Variants in CACUL1 observed in about 807,000 individuals in gnomAD.
The protein encoded by CACUL1 is CDK2 associated cullin domain 1.
In CACUL1, 13 loss-of-function variants were observed where a neutral mutation model predicts 45.2. The observed-to-expected ratio is 0.29, with a 90% confidence interval of 0.19 to 0.46. CACUL1 has a LOEUF of 0.46. Ranked by LOEUF, CACUL1 falls within the 20% of genes least tolerant of loss-of-function variation. The pLI, the probability that CACUL1 is intolerant of heterozygous loss-of-function variation, is 1.00. For missense variants in CACUL1, 421 were observed against 471.4 expected, an observed-to-expected ratio of 0.89 and a Z score of 0.99; for synonymous variants, 197 against 174.2, an observed-to-expected ratio of 1.13 and a Z score of -1.03.
chr10:118,703,129 T>A (rs539532565), intron 4 of CACUL1, among the ~76,000 whole-genome samples: 6 of 152,054 alleles, frequency 3.9e-5, no homozygotes, highest in Non-Finnish European at 7.4e-5. Flanking sequence ...TTTAAAAAAA[T>A]ATATAAAAAT....
chr10:118,686,861 C>T, intron 7 of CACUL1: 1 of 516,414 alleles, frequency 1.9e-6, no homozygotes, highest in Non-Finnish European at 3.4e-6. Context: ...CATCCTCAAA[C>T]ACCTATGAAA....
rs370879100 is a variant in CACUL1, at chr10:118,682,502, T to C, written c.*3626A>G. ...ATTAACCAGGATTATTTAAATACTA[T>C]AATACAAGTGCTCCTGCTCACTTCT... is the stretch of plus-strand genomic sequence containing the variant. On this transcript the variant is annotated 3_prime_UTR_variant, in exon 9 of 9. Transcript: ENST00000369151. The C allele has an allele frequency of 1.0e-4, 16 of 152,798 alleles. No homozygotes were observed. The highest frequency in any genetic ancestry group is 3.6e-4 in the African/African-American group (15 of 41,598). 9.5% of individuals were successfully genotyped at this position (152,798 alleles called of 1,614,324 possible).
intron 1 of CACUL1, among the ~76,000 whole-genome samples, chr10:118,752,580 G>T (rs1265940743): frequency 6.6e-6 from 1 of 152,186 alleles, no homozygotes; most frequent in Non-Finnish European, 1.5e-5. Context: ...AAGTAAAACA[G>T]ACCTATAATT....
At chr10:118,733,723 A>G (rs971670464) in intron 1 of CACUL1, among the ~76,000 whole-genome samples, 3 of 152,194 alleles carry the variant, frequency 2.0e-5, no homozygotes, top group African/African-American at 7.2e-5. Flanking sequence ...CACCAAAAGA[A>G]AAAGTAGGCC....
chr10:118,739,856 T>A (rs565206893), intron 1 of CACUL1, among the ~76,000 whole-genome samples: 1 of 152,176 alleles, frequency 6.6e-6, no homozygotes, highest in Non-Finnish European at 1.5e-5. Context: ...GTTTTAAGAG[T>A]ATGTTTGGCT....
chr10:118,724,595 T>C (rs1671948514), intron 3 of CACUL1, among the ~76,000 whole-genome samples: 1 of 152,198 alleles, frequency 6.6e-6, no homozygotes, highest in Admixed American at 6.6e-5. Context: ...TTTTAGATTT[T>C]TGAACAAGAA....
chr10:118,710,852 CT>C (rs1357108815), intron 3 of CACUL1, among the ~76,000 whole-genome samples: 1 of 152,196 alleles, frequency 6.6e-6, no homozygotes, highest in African/African-American at 2.4e-5. Flanking sequence ...TAAATTCCTA[CT>C]TAACAAGGCT....
At chr10:118,740,130 G>C (rs924425987) in intron 1 of CACUL1, among the ~76,000 whole-genome samples, 2 of 152,164 alleles carry the variant, frequency 1.3e-5, no homozygotes, top group Non-Finnish European at 2.9e-5. Context: ...CTGGGCGACA[G>C]AGCGGGACTC....
At chr10:118,743,438 T>C (rs1300263393) in intron 1 of CACUL1, among the ~76,000 whole-genome samples, 5 of 152,100 alleles carry the variant, frequency 3.3e-5, no homozygotes, top group Non-Finnish European at 7.3e-5. Flanking sequence ...GGGCATATTA[T>C]ATATAGAGAA....
intron 3 of CACUL1, among the ~76,000 whole-genome samples, chr10:118,716,894 G>A (rs1166780091): frequency 6.6e-6 from 1 of 152,136 alleles, no homozygotes; most frequent in East Asian, 1.9e-4. Context: ...GAGCCAACGA[G>A]CCCAGCGCAC....
chr10:118,727,579 G>A (rs1350445417), intron 3 of CACUL1, among the ~76,000 whole-genome samples: 2 of 152,130 alleles, frequency 1.3e-5, no homozygotes, highest in African/African-American at 4.8e-5. Context: ...TGATGGGAAT[G>A]CAACTTGATA....
At chr10:118,725,678 T>TA (rs1434116440) in intron 3 of CACUL1, among the ~76,000 whole-genome samples, 1 of 152,196 alleles carries the variant, frequency 6.6e-6, no homozygotes, top group African/African-American at 2.4e-5. Context: ...AAAAAAACTT[T>TA]AAAGTGCCTG....
At chr10:118,745,411 A>G (rs1339166877) in intron 1 of CACUL1, among the ~76,000 whole-genome samples, 1 of 152,100 alleles carries the variant, frequency 6.6e-6, no homozygotes, top group African/African-American at 2.4e-5. Context: ...AAAATACAAA[A>G]ATTAGCTGGG....
chr10:118,700,716 C>CAAAACAAAAAAAAAAAAAA (rs1845370878), intron 5 of CACUL1, among the ~76,000 whole-genome samples: 1 of 132,946 alleles, frequency 7.5e-6, no homozygotes, highest in African/African-American at 3.2e-5. Flanking sequence ...GACTCCGTCT[C>CAAAACAAAAAAAAAAAAAA]AAAAAAAAAA....
intron 4 of CACUL1, among the ~76,000 whole-genome samples, chr10:118,706,759 C>G (rs1008839352): frequency 6.6e-6 from 1 of 152,214 alleles, no homozygotes; most frequent in African/African-American, 2.4e-5. Flanking sequence ...GGAAGCACTA[C>G]ATGGTCTTTT....
At chr10:118,749,614 T>G (rs75444215) in intron 1 of CACUL1, among the ~76,000 whole-genome samples, 14,975 of 152,222 alleles carry the variant, frequency 0.098, 780 homozygotes, top group Admixed American at 0.16. Flanking sequence ...ATAATTAAAG[T>G]CTTCCTCCTA....
intron 3 of CACUL1, among the ~76,000 whole-genome samples, chr10:118,716,393 C>T (rs1313615966): frequency 2.7e-5 from 4 of 150,514 alleles, no homozygotes; most frequent in African/African-American, 2.5e-5. Context: ...AACTATAGAT[C>T]GTCACCATCT....
Position 118,754,706 on chromosome 10 carries a change from G to A in CACUL1, c.57C>T (p.Asp19=). The A allele has an allele frequency of 6.2e-7, 1 of 1,606,620 alleles. No homozygotes were observed. Among genetic ancestry groups the A allele is most frequent in the Non-Finnish European group, 8.5e-7 (1 of 1,177,238 alleles). The change falls in exon 1 of 9, where the codon GAC becomes GAT. Residue 19 remains aspartate, a synonymous_variant. Transcript: ENST00000369151. ...EGGSYEAMMD[D]QNHNNWEAAV... ...CAGCCTCCCAGTTGTTGTGGTTCTG[G>A]TCGTCCATCATCGCCTCGTAGCTGC...
rs1025142408 is a variant in CACUL1 at position 118,680,774 on chromosome 10, A to G, written c.*5354T>C. ...TGTATATTGTTACACACTGTTTTTT[A>G]GCACTGGTTGCAGAAGTCAAGATCA... On this transcript the variant is annotated 3_prime_UTR_variant, in exon 9 of 9. Coordinates refer to ENST00000369151, the MANE Select transcript of CACUL1 (RefSeq NM_153810.5). 4 of 152,202 alleles carry G rather than the reference A, an allele frequency of 2.6e-5. No homozygotes were observed. The highest frequency in any genetic ancestry group is 4.8e-5 in the African/African-American group (2 of 41,446). 9.4% of individuals were successfully genotyped at this position (152,202 alleles called of 1,614,324 possible).
Sources: allele counts gnomAD v4.1 joint callset (sites outside exome capture counted in the v4.1 genomes callset), GRCh38; gene constraint gnomAD v4.1.1; transcripts MANE v1.5; gene names NCBI Gene and HGNC (gene_info 2026-07-23, HGNC 2026-07-21).